Variants in DNMBP observed in about 807,000 individuals in gnomAD.
DNMBP encodes dynamin binding protein, also known as dynamin-binding protein.
A neutral mutation model predicts 150.0 loss-of-function variants in DNMBP; 87 were observed. The ratio of observed to expected loss-of-function variants is 0.58; its 90% CI spans 0.49 to 0.69. The LOEUF (loss-of-function observed/expected upper bound fraction) is 0.69, where lower values mean the gene tolerates loss of function less well. Among genes scored for constraint, DNMBP ranks in the 30% least tolerant of loss-of-function variants. The pLI is 0.00. For missense variants in DNMBP, 1,774 were observed against 1,949.0 expected, an observed-to-expected ratio of 0.91 and a Z score of 1.69; for synonymous variants, 711 against 750.4, an observed-to-expected ratio of 0.95 and a Z score of 0.86.
intron 6 of DNMBP, among the ~76,000 whole-genome samples, chr10:99,903,820 T>C (rs181519190): frequency 6.6e-6 from 1 of 152,320 alleles, no homozygotes; most frequent in African/African-American, 2.4e-5. Flanking sequence ...TCTATATCAA[T>C]TACAAACTAG....
intron 16 of DNMBP, among the ~76,000 whole-genome samples, chr10:99,879,084 C>CAAAAAA (rs71009780): frequency 2.9e-4 from 18 of 62,402 alleles, no homozygotes; most frequent in African/African-American, 4.1e-4. Flanking sequence ...GACTCTGTCT[C>CAAAAAA]AAAAAAAAAA....
chr10:99,898,718 T>C (rs1033455055), intron 8 of DNMBP, 25 bp downstream of exon 8: 1 of 1,612,776 alleles, frequency 6.2e-7, no homozygotes, highest in African/African-American at 1.3e-5. Flanking sequence ...AATGAGCGCA[T>C]ACATCAAGCA....
intron 11 of DNMBP, among the ~76,000 whole-genome samples, chr10:99,894,303 C>G (rs997047958): frequency 2.6e-5 from 4 of 152,136 alleles, no homozygotes; most frequent in African/African-American, 9.7e-5. Flanking sequence ...ATCCAGTACA[C>G]TCACAGCATC....
In DNMBP at chr10:100,005,787, A is replaced by AAAAAAAAAAAAC. The variant is rs1564761728; in HGVS notation, c.-11+4050_-11+4051insGTTTTTTTTTTT. The stretch of plus-strand genomic sequence containing the variant: ...TCCAAAAAAAAAAAAAAAAAAAACC[A>AAAAAAAAAAAAC]AACTACATAAAGGAAAATGAATTAC... On this transcript the variant is annotated intron_variant, in intron 1 of 16. Coordinates refer to ENST00000324109, the MANE Select transcript of DNMBP (RefSeq NM_015221.4). 1.7e-4 allele frequency among the ~76,000 whole-genome samples: 20 copies of AAAAAAAAAAAAC among 115,966 alleles called. 1 individual carries two copies. Among genetic ancestry groups the AAAAAAAAAAAAC allele is most frequent in the African/African-American group, 7.6e-4 (18 of 23,632 alleles). 76.1% of individuals were successfully genotyped at this position (115,966 alleles called of 152,430 possible).
intron 2 of DNMBP, among the ~76,000 whole-genome samples, chr10:99,970,147 C>T (rs925850965): frequency 6.6e-6 from 1 of 152,162 alleles, no homozygotes; most frequent in Non-Finnish European, 1.5e-5. Context: ...CTCTGCCTAC[C>T]ATCTTTCCTT....
At position 99,876,133 on chromosome 10, in the gene DNMBP, A is replaced by C. The variant is rs374328773; in HGVS notation, c.*1018T>G. The C allele has an allele frequency of 2.0e-4, 31 of 152,320 alleles. No individual in the cohort carries two copies. The East Asian group carries it at 6.0e-3, about 29-fold the overall frequency. The allele number at this position is 152,320 out of a possible 1,614,324, so 9.4% of individuals were successfully genotyped here. On this transcript the variant is annotated 3_prime_UTR_variant, in exon 17 of 17. Coordinates refer to ENST00000324109, the MANE Select transcript of DNMBP (RefSeq NM_015221.4). ...GACATCCAGTCTTCCATTAGGCTCA[A>C]CTGGTTTCAGCTCAAAGCAGAACTA...
In DNMBP at chr10:99,891,979, G is replaced by A. The variant is rs1458119621; in HGVS notation, c.3156+2967C>T. Among the ~76,000 whole-genome samples, 596 of 140,770 alleles carry A rather than the reference G, an allele frequency of 4.2e-3. 4 individuals carry two copies. Among genetic ancestry groups the A allele is most frequent in the Non-Finnish European group, 6.1e-3 (397 of 65,160 alleles). 92.4% of individuals were successfully genotyped at this position (140,770 alleles called of 152,430 possible). A position where few individuals can be genotyped will look rare whatever the true frequency, so the allele number is the denominator to read the frequency against. Reference sequence around the variant, plus strand: ...CGGGAGGTGAGGGGCGCCTCTGCCCGGCCGCCCCTACTGGGAAGTGAGGAG... The same window carrying A: ...CGGGAGGTGAGGGGCGCCTCTGCCCAGCCGCCCCTACTGGGAAGTGAGGAG... On this transcript the variant is annotated intron_variant, in intron 11 of 16. Transcript: ENST00000324109.
intron 11 of DNMBP, among the ~76,000 whole-genome samples, chr10:99,893,039 A>T (rs1237930447): frequency 2.0e-5 from 3 of 152,260 alleles, no homozygotes; most frequent in African/African-American, 7.2e-5. Context: ...ATATAATGAT[A>T]TAGACATATA....
Position 99,885,706 on chromosome 10 carries a change from C to T in DNMBP, c.3779G>A (p.Arg1260Gln), listed in dbSNP as rs756020892. The T allele has an allele frequency of 1.7e-5, 26 of 1,573,430 alleles. No individual in the cohort carries two copies. The highest frequency in any genetic ancestry group is 2.1e-5 in the Non-Finnish European group (24 of 1,157,382). ...ERKTIDRQSA[R>Q]KPLLGLPSYM... Reference sequence around the variant, plus strand: ...ACTCACCAGGCCCAGGAGTGGCTTTCGAGCAGACTGGCGGTCAATGGTTTT... The same window carrying T: ...ACTCACCAGGCCCAGGAGTGGCTTTTGAGCAGACTGGCGGTCAATGGTTTT... The change falls in exon 14 of 17, where the codon CGA becomes CAA. Residue 1260 changes from arginine to glutamine, a missense_variant. Arg to Gln is a conservative substitution (Grantham distance 43). This residue lies in a region of DNMBP where 1,430 missense variants were observed against 1,492.5 expected (regional missense o/e 0.96). Transcript: ENST00000324109.
chr10:99,883,224 A>T (rs948244763), intron 15 of DNMBP, among the ~76,000 whole-genome samples: 1 of 152,130 alleles, frequency 6.6e-6, no homozygotes, highest in Non-Finnish European at 1.5e-5. Context: ...CACTTACTTA[A>T]ATTCTGTAAA....
Position 99,898,164 on chromosome 10 carries a change from C to G in DNMBP, c.2842G>C (p.Val948Leu), listed in dbSNP as rs1234245015. ...GCAAGGACTGCATTGGTTAAAGGCACTTTATCTGGGTGGGATTCTGGGGTG... is the reference window on the plus strand; with the variant it reads ...GCAAGGACTGCATTGGTTAAAGGCAGTTTATCTGGGTGGGATTCTGGGGTG... The part of the protein sequence containing the change: ...NSTPESHPDK[V>L]PLTNAVLAVK... Residue 948 changes from valine (V) to leucine (L), a missense_variant, in exon 9 of 17, where the codon GTG (valine) becomes CTG (leucine). By Grantham distance (32) the Val-to-Leu change is conservative. Coordinates refer to ENST00000324109, the MANE Select transcript of DNMBP (RefSeq NM_015221.4). The G allele has an allele frequency of 6.2e-6, 10 of 1,613,954 alleles. No individual in the cohort carries two copies. The East Asian group carries it at 6.7e-5, about 11-fold the overall frequency.
In DNMBP at chr10:99,930,689, A is replaced by C. The variant is rs1334367936; in HGVS notation, c.2261-21543T>G. ...TTTTCCGTACACTCCCGTAGTCTTC[A>C]TACTCCCAGCTGGAGTCCCAGTGCC... On this transcript the variant is annotated intron_variant, in intron 4 of 16. Coordinates refer to ENST00000324109, the MANE Select transcript of DNMBP (RefSeq NM_015221.4). 27 of 700,920 alleles carry C rather than the reference A, an allele frequency of 3.9e-5. No individual in the cohort carries two copies. The Admixed American group carries it at 5.3e-4, about 14-fold the overall frequency. 43.4% of individuals were successfully genotyped at this position (700,920 alleles called of 1,614,324 possible). A position where few individuals can be genotyped will look rare whatever the true frequency, so the allele number is the denominator to read the frequency against.
chr10:99,977,885 G>A (rs1249912918), intron 1 of DNMBP, among the ~76,000 whole-genome samples: 1 of 152,076 alleles, frequency 6.6e-6, no homozygotes, highest in African/African-American at 2.4e-5. Context: ...CCCAAAAATA[G>A]TTTTACCTTC....
chr10:99,931,674 T>C (rs2040159845), intron 4 of DNMBP, among the ~76,000 whole-genome samples: 1 of 152,176 alleles, frequency 6.6e-6, no homozygotes. Context: ...GGCAGGTAAA[T>C]GGCTATTTAA....
Position 99,908,984 on chromosome 10 carries a change from T to G in DNMBP, c.2423A>C (p.Glu808Ala). ...CTGCTGCATGGGTACCATGATCCGCTCAATACACATTTCCAGATCCCGAAT... is the reference window on the plus strand; with the variant it reads ...CTGCTGCATGGGTACCATGATCCGCGCAATACACATTTCCAGATCCCGAAT... ...DYIRDLEMCIERIMVPMQQAQ... is the reference protein window; with the variant it reads ...DYIRDLEMCIARIMVPMQQAQ... The change falls in exon 5 of 17, where the codon GAG becomes GCG. Residue 808 changes from glutamate (E) to alanine (A), a missense_variant. By Grantham distance (107) the Glu-to-Ala change is moderately radical. This residue lies in a region of DNMBP where 1,430 missense variants were observed against 1,492.5 expected (regional missense o/e 0.96). Transcript: ENST00000324109. 1 of 1,614,164 alleles carries G rather than the reference T, an allele frequency of 6.2e-7. No individual in the cohort carries two copies. Among genetic ancestry groups the G allele is most frequent in the African/African-American group, 1.3e-5 (1 of 75,060 alleles).
At chr10:99,889,162 AC>A in intron 11 of DNMBP, 1 of 522,712 alleles carries the variant, frequency 1.9e-6, no homozygotes, top group Non-Finnish European at 3.3e-6. Flanking sequence ...TTAATTCTTA[AC>A]AAAACTGTTG....
chr10:99,918,633 C>A (rs923499325), intron 4 of DNMBP, among the ~76,000 whole-genome samples: 1 of 144,882 alleles, frequency 6.9e-6, no homozygotes, highest in African/African-American at 2.6e-5. Context: ...GTGGCACAAT[C>A]TGGGCTCACT....
intron 4 of DNMBP, among the ~76,000 whole-genome samples, chr10:99,934,230 C>T (rs2040198261): frequency 6.6e-6 from 1 of 152,126 alleles, no homozygotes; most frequent in Non-Finnish European, 1.5e-5. Flanking sequence ...ATACCAGTGT[C>T]AGAATTCATG....
At chr10:99,991,887 C>A (rs1473203965) in intron 1 of DNMBP, among the ~76,000 whole-genome samples, 1 of 138,092 alleles carries the variant, frequency 7.2e-6, no homozygotes, top group Non-Finnish European at 1.5e-5. Flanking sequence ...ACCTGGGTGA[C>A]AGAGCGAGAC....
Sources: gnomAD v4.1 joint callset for allele counts (sites outside exome capture counted in the v4.1 genomes callset) on GRCh38, gnomAD v4.1.1 for gene constraint, gnomAD v4.1.1 regional missense constraint, MANE v1.5 for transcripts, NCBI Gene and HGNC (gene_info 2026-07-23, HGNC 2026-07-21) for gene names.